NLGN4X: variants seen among roughly 807,000 people sequenced by gnomAD.
The protein encoded by NLGN4X is neuroligin 4 X-linked.
NLGN4X carries 3 observed loss-of-function variants against 40.3 expected under a neutral mutation model. That is an observed-to-expected ratio of 0.07 (90% CI 0.03 to 0.19). The LOEUF is 0.19. Among genes scored for constraint, NLGN4X ranks in the 10% least tolerant of loss-of-function variants. The pLI is 1.00. For synonymous variants in NLGN4X, 270 were observed against 306.8 expected (o/e 0.88, Z 1.25); for missense variants, 382 against 708.3 (o/e 0.54, Z 5.23).
At chrX:6,218,226 T>C (rs1925264991) in intron 1 of NLGN4X, among the ~76,000 whole-genome samples, 1 of 111,585 alleles carries the variant, frequency 9.0e-6, no homozygotes, top group South Asian at 3.8e-4. Flanking sequence ...TCAAGAATCA[T>C]ATTAACTCCA....
chrX:6,070,220 A>G (rs1364576367), intron 2 of NLGN4X, among the ~76,000 whole-genome samples: 1 of 111,031 alleles, frequency 9.0e-6, no homozygotes, highest in African/African-American at 3.3e-5. Context: ...TACTAAAATA[A>G]GACATTTTTC....
intron 3 of NLGN4X, among the ~76,000 whole-genome samples, chrX:5,946,035 G>C (rs899315660): frequency 9.0e-6 from 1 of 111,566 alleles, no homozygotes; most frequent in Non-Finnish European, 1.9e-5. Context: ...GAGGCTTCAA[G>C]CTATACTTTG....
At chrX:6,021,002 T>TTCTCTCTCTCTCTC (rs869309615) in intron 3 of NLGN4X, among the ~76,000 whole-genome samples, 7 of 24,121 alleles carry the variant, frequency 2.9e-4, no homozygotes, top group Non-Finnish European at 5.2e-4. Flanking sequence ...CTTCCTTCTT[T>TTCTCTCTCTCTCTC]TCTCTCTCTC....
intron 3 of NLGN4X, among the ~76,000 whole-genome samples, chrX:5,956,943 T>C (rs944359129): frequency 8.1e-5 from 9 of 111,285 alleles, no homozygotes; most frequent in African/African-American, 2.9e-4. Flanking sequence ...TGTTAAGAAG[T>C]TGGGAATATT....
chrX:6,064,572 T>A (rs887301602), intron 2 of NLGN4X, among the ~76,000 whole-genome samples: 1 of 111,452 alleles, frequency 9.0e-6, no homozygotes, highest in African/African-American at 3.3e-5. Flanking sequence ...AATCTTTAGC[T>A]GAAGCACGTG....
intron 2 of NLGN4X, among the ~76,000 whole-genome samples, chrX:6,085,446 G>C (rs2038472679): frequency 9.0e-6 from 1 of 111,709 alleles, no homozygotes. Context: ...TGGAGCTGAA[G>C]TCTTCAATAA....
At chrX:6,156,466 G>A (rs186457933) in intron 1 of NLGN4X, among the ~76,000 whole-genome samples, 2,031 of 111,502 alleles carry the variant, frequency 0.018, 50 homozygotes, top group African/African-American at 0.062. Context: ...CCAAGATCGC[G>A]CCACTGCACT....
chrX:5,935,427 T>G (rs1292774317), intron 3 of NLGN4X, among the ~76,000 whole-genome samples: 2 of 112,521 alleles, frequency 1.8e-5, no homozygotes, highest in Non-Finnish European at 3.8e-5. Flanking sequence ...CAAAGACAGC[T>G]AATTTCATTT....
chrX:6,144,894 C>G (rs1451067056), intron 2 of NLGN4X, among the ~76,000 whole-genome samples: 1 of 111,039 alleles, frequency 9.0e-6, no homozygotes, highest in Non-Finnish European at 1.9e-5. Flanking sequence ...TTCCCAGGTT[C>G]CAGGAATGGG....
intron 2 of NLGN4X, among the ~76,000 whole-genome samples, chrX:6,046,813 T>C (rs1050688725): frequency 9.4e-6 from 1 of 106,413 alleles, no homozygotes; most frequent in African/African-American, 3.4e-5. Flanking sequence ...AACACATATA[T>C]ACACACACTG....
At chrX:6,013,169 C>T (rs1316823121) in intron 3 of NLGN4X, among the ~76,000 whole-genome samples, 1 of 111,578 alleles carries the variant, frequency 9.0e-6, no homozygotes, top group Admixed American at 9.5e-5. Flanking sequence ...GTAGATTTTT[C>T]TAAACTACAG....
chrX:6,028,680 A>G (rs1202271443), intron 3 of NLGN4X, among the ~76,000 whole-genome samples: 1 of 110,658 alleles, frequency 9.0e-6, no homozygotes, highest in African/African-American at 3.3e-5. Context: ...AAAAAAAGAA[A>G]GAAAGAAAAG....
In NLGN4X at chrX:5,903,343, A is replaced by G. The variant is rs2031990817; in HGVS notation, c.1335T>C (p.Thr445=). 1 of 1,209,823 alleles carries G rather than the reference A, an allele frequency of 8.3e-7. No homozygotes were observed. Among genetic ancestry groups the G allele is most frequent in the Non-Finnish European group, 1.1e-6 (1 of 895,065 alleles). Residue 445 remains threonine, a synonymous_variant, in exon 5 of 6, where the codon ACT becomes ACC. Coordinates refer to ENST00000381095, the MANE Select transcript of NLGN4X (RefSeq NM_181332.3). ...TRRKTLVALF[T]DHQWVAPAVA... ...CGGCGGGGGCCACCCACTGGTGGTC[A>G]GTAAAGAGAGCCACCAGGGTTTTCC...
At chrX:6,070,594 T>A (rs2038035530) in intron 2 of NLGN4X, among the ~76,000 whole-genome samples, 2 of 111,767 alleles carry the variant, frequency 1.8e-5, no homozygotes, top group Admixed American at 1.9e-4. Context: ...AATTAAAAAA[T>A]AAACATAAAC....
At chrX:5,961,073 G>C (rs1318102009) in intron 3 of NLGN4X, among the ~76,000 whole-genome samples, 1 of 110,049 alleles carries the variant, frequency 9.1e-6, no homozygotes, top group African/African-American at 3.3e-5. Flanking sequence ...TGTCGCCCAG[G>C]CTGGAGTGCA....
rs747503673 is a variant in NLGN4X at position 6,029,410 on chromosome X, C to A, written c.495G>T (p.Lys165Asn). 1.7e-6 allele frequency: 2 copies of A among 1,210,591 alleles called. No individual in the cohort carries two copies. Among genetic ancestry groups the A allele is most frequent in the East Asian group, 5.9e-5 (2 of 33,815 alleles). The change falls in exon 3 of 6, where the codon AAG becomes AAT. Residue 165 changes from lysine to asparagine, a missense_variant. Coordinates refer to ENST00000381095, the MANE Select transcript of NLGN4X (RefSeq NM_181332.3). The part of the protein sequence containing the change: ...TEDDIHDQNS[K>N]KPVMVYIHGG... ...CATGGATATAGACCATGACGGGCTT[C>A]TTACTGTTCTGATCATGAATATCTG... is the stretch of plus-strand genomic sequence containing the variant.
At chrX:6,093,013 T>TGAATCCAAAGGCACA (rs2038678841) in intron 2 of NLGN4X, among the ~76,000 whole-genome samples, 1 of 107,503 alleles carries the variant, frequency 9.3e-6, no homozygotes, top group South Asian at 4.1e-4. Flanking sequence ...ATTAAATATA[T>TGAATCCAAAGGCACA]GAATCCAAAG....
chrX:6,227,768 G>T (rs945729335), intron 1 of NLGN4X: 2 of 110,436 alleles, frequency 1.8e-5, no homozygotes, highest in African/African-American at 6.6e-5. Context: ...AATCAATCAC[G>T]TGCGTTATTT....
At chrX:6,076,474 C>T (rs1362304389) in intron 2 of NLGN4X, among the ~76,000 whole-genome samples, 1 of 111,758 alleles carries the variant, frequency 8.9e-6, no homozygotes, top group Non-Finnish European at 1.9e-5. Context: ...GGCAATTTTT[C>T]TGGTTGTTCT....
Sources: gnomAD v4.1 joint callset for allele counts (sites outside exome capture counted in the v4.1 genomes callset) on GRCh38, gnomAD v4.1.1 for gene constraint, MANE v1.5 for transcripts, NCBI Gene and HGNC (gene_info 2026-07-23, HGNC 2026-07-21) for gene names.